The following TMEM132D variants were observed in gnomAD, a reference collection of about 807,000 sequenced individuals.
TMEM132D encodes mature OL transmembrane protein.
A neutral mutation model predicts 62.3 loss-of-function variants in TMEM132D; 21 were observed. The observed-to-expected ratio is 0.34, with a 90% CI of 0.24 to 0.49. The LOEUF (loss-of-function observed/expected upper bound fraction) is 0.49. Ranked by LOEUF, TMEM132D falls within the 20% of genes least tolerant of loss-of-function variation. The probability of loss-of-function intolerance (pLI) is 0.99; values close to 1 mark genes in which losing one functional copy is unlikely to be tolerated. For missense variants in TMEM132D, 1,346 were observed against 1,402.8 expected (o/e 0.96, Z 0.65); for synonymous variants, 621 against 575.6 (o/e 1.08, Z -1.13).
chr12:129,256,983 T>C (rs1241631766), intron 4 of TMEM132D, among the ~76,000 whole-genome samples: 2 of 152,226 alleles, frequency 1.3e-5, no homozygotes, highest in Non-Finnish European at 2.9e-5. Flanking sequence ...TTTTAGCAGC[T>C]GGCCAGAGAG....
intron 5 of TMEM132D, among the ~76,000 whole-genome samples, chr12:129,095,689 G>A (rs61506140): frequency 0.05 from 7,570 of 152,058 alleles, 646 homozygotes; most frequent in African/African-American, 0.17. Context: ...GGGCATCAGG[G>A]CACACAGGGT....
intron 4 of TMEM132D, among the ~76,000 whole-genome samples, chr12:129,319,051 C>CG (rs1322251499): frequency 6.6e-6 from 1 of 151,958 alleles, no homozygotes; most frequent in Non-Finnish European, 1.5e-5. Flanking sequence ...CTTCCAGCTG[C>CG]GGAAAAAAAG....
chr12:129,173,132 A>G (rs757517604), intron 5 of TMEM132D, among the ~76,000 whole-genome samples: 1 of 152,216 alleles, frequency 6.6e-6, no homozygotes, highest in Non-Finnish European at 1.5e-5. Context: ...CAAATGTGAC[A>G]CAGAGACATG....
chr12:129,548,083 C>T (rs1368557924), intron 2 of TMEM132D, among the ~76,000 whole-genome samples: 2 of 152,218 alleles, frequency 1.3e-5, no homozygotes, highest in African/African-American at 4.8e-5. Flanking sequence ...TAGGAATTTA[C>T]ACCTGGCTTC....
chr12:129,085,678 G>C (rs1041622107), intron 5 of TMEM132D: 20 of 152,216 alleles, frequency 1.3e-4, no homozygotes, highest in African/African-American at 4.8e-4. Context: ...GAGGAAGCCG[G>C]CAGGAGTGGG....
At chr12:129,902,090 G>A (rs913076120) in intron 1 of TMEM132D, among the ~76,000 whole-genome samples, 4 of 152,278 alleles carry the variant, frequency 2.6e-5, no homozygotes, top group Middle Eastern at 3.4e-3. Flanking sequence ...GAGGGGGAAC[G>A]TAAATTCCTC....
chr12:129,880,156 G>C (rs1005887732), intron 1 of TMEM132D, among the ~76,000 whole-genome samples: 2 of 151,990 alleles, frequency 1.3e-5, no homozygotes, highest in Non-Finnish European at 2.9e-5. Context: ...ACAAAGAAAA[G>C]AATTTCAGCA....
At chr12:129,524,920 C>CTTTTTTTTTTTTTTTTTTTT (rs761892015) in intron 3 of TMEM132D, among the ~76,000 whole-genome samples, 2 of 92,170 alleles carry the variant, frequency 2.2e-5, no homozygotes, top group African/African-American at 4.4e-5. Context: ...ATATTTTTTT[C>CTTTTTTTTTTTTTTTTTTTT]TTTTTTCTTT....
chr12:129,248,379 G>A (rs1052441198), intron 4 of TMEM132D, among the ~76,000 whole-genome samples: 6 of 152,102 alleles, frequency 3.9e-5, no homozygotes, highest in African/African-American at 7.2e-5. Flanking sequence ...TAAAATATCC[G>A]AAAAGTAAAA....
chr12:129,643,566 T>C (rs1383680059), intron 2 of TMEM132D, among the ~76,000 whole-genome samples: 1 of 152,172 alleles, frequency 6.6e-6, no homozygotes, highest in Admixed American at 6.5e-5. Context: ...GACACAATTC[T>C]GTGAAAGGAA....
At chr12:129,772,920 T>C (rs759062807) in intron 1 of TMEM132D, among the ~76,000 whole-genome samples, 5 of 152,138 alleles carry the variant, frequency 3.3e-5, no homozygotes, top group Admixed American at 2.6e-4. Flanking sequence ...GGAGAAGACA[T>C]AGATGCTGAC....
intron 1 of TMEM132D, among the ~76,000 whole-genome samples, chr12:129,702,750 A>G (rs1881414031): frequency 6.6e-6 from 1 of 152,254 alleles, no homozygotes; most frequent in African/African-American, 2.4e-5. Flanking sequence ...CTGTATTCAC[A>G]GTCTTTAAGA....
intron 4 of TMEM132D, among the ~76,000 whole-genome samples, chr12:129,305,543 T>C (rs1881828267): frequency 6.6e-6 from 1 of 152,228 alleles, no homozygotes; most frequent in African/African-American, 2.4e-5. Flanking sequence ...AGAAGTGGCC[T>C]GTTATAAAGC....
rs557884546 is a variant in TMEM132D, at chr12:129,381,955, C to A, written c.1116-44138G>T. On this transcript the variant is annotated intron_variant, in intron 3 of 8. Coordinates refer to ENST00000422113, the MANE Select transcript of TMEM132D (RefSeq NM_133448.3). The stretch of plus-strand genomic sequence containing the variant: ...ACTTTATGTAAATGATTACACAGAC[C>A]GTATGCTCCTGTGATTGGCTTCTTT... Among the ~76,000 whole-genome samples, 5 of 152,238 alleles carry A rather than the reference C, an allele frequency of 3.3e-5. No homozygotes were observed. The East Asian group carries it at 9.7e-4, about 29-fold the overall frequency.
intron 4 of TMEM132D, among the ~76,000 whole-genome samples, chr12:129,263,429 A>C (rs1880603403): frequency 6.6e-6 from 1 of 152,176 alleles, no homozygotes; most frequent in Non-Finnish European, 1.5e-5. Context: ...AAGTATAAAG[A>C]AGGCAAAGAG....
At position 129,269,154 on chromosome 12, in the gene TMEM132D, G is replaced by A. The variant is rs544005304; in HGVS notation, c.1300-59491C>T. On this transcript the variant is annotated intron_variant, in intron 4 of 8. Coordinates refer to ENST00000422113, the MANE Select transcript of TMEM132D (RefSeq NM_133448.3). ...CTGCACGTTGTGCACATGTCCCCTA[G>A]AACTTAAAGTATAATAAATTTCTTC... 6.6e-5 allele frequency among the ~76,000 whole-genome samples: 10 copies of A among 152,186 alleles called. No homozygotes were observed. The South Asian group carries it at 1.0e-3, about 16-fold the overall frequency.
chr12:129,189,488 T>G (rs1391036219), intron 5 of TMEM132D, among the ~76,000 whole-genome samples: 1 of 152,066 alleles, frequency 6.6e-6, no homozygotes, highest in Non-Finnish European at 1.5e-5. Flanking sequence ...AGGGCTACCC[T>G]CCGGGGTCAC....
At chr12:129,710,577 A>G (rs1176056198) in intron 1 of TMEM132D, among the ~76,000 whole-genome samples, 1 of 151,990 alleles carries the variant, frequency 6.6e-6, no homozygotes, top group Non-Finnish European at 1.5e-5. Context: ...GATTACAGGC[A>G]TGAGCACCGT....
At chr12:129,869,027 C>A (rs1225845734) in intron 1 of TMEM132D, among the ~76,000 whole-genome samples, 1 of 151,282 alleles carries the variant, frequency 6.6e-6, no homozygotes, top group Non-Finnish European at 1.5e-5. Context: ...GCCCTTAGAA[C>A]CGGTTCCTCA....
Sources: allele counts gnomAD v4.1 joint callset (sites outside exome capture counted in the v4.1 genomes callset), GRCh38; gene constraint gnomAD v4.1.1; transcripts MANE v1.5; gene names NCBI Gene and HGNC (gene_info 2026-07-23, HGNC 2026-07-21).